LRP1B: variants seen among roughly 807,000 people sequenced by gnomAD.
The protein encoded by LRP1B is LDL receptor related protein 1B, also known as low-density lipoprotein receptor-related protein 1B.
In LRP1B, 217 loss-of-function variants were observed where a neutral mutation model predicts 556.6. The observed-to-expected ratio is 0.39, with a 90% confidence interval of 0.35 to 0.44. The LOEUF is 0.44. LRP1B is among the 20% of genes least tolerant of loss of function. The pLI, the probability that LRP1B is intolerant of heterozygous loss-of-function variation, is 1.00. For synonymous variants in LRP1B, 2,047 were observed against 1,865.8 expected (o/e 1.10, Z -2.50); for missense variants, 5,053 against 5,620.8 (o/e 0.90, Z 3.23).
intron 6 of LRP1B, among the ~76,000 whole-genome samples, chr2:141,195,310 T>C (rs973841285): frequency 1.3e-5 from 2 of 152,078 alleles, no homozygotes; most frequent in African/African-American, 4.8e-5. Flanking sequence ...GCCAGTCTTT[T>C]AGCTCCAGTT....
chr2:140,444,309 G>A (rs760905788), intron 65 of LRP1B, 21 bp downstream of exon 65: 1 of 1,613,348 alleles, frequency 6.2e-7, no homozygotes, highest in East Asian at 2.2e-5. Flanking sequence ...AGACAAGACA[G>A]AGTATTTTGA....
At chr2:141,749,914 G>A (rs1384637761) in intron 2 of LRP1B, among the ~76,000 whole-genome samples, 1 of 152,112 alleles carries the variant, frequency 6.6e-6, no homozygotes, top group Non-Finnish European at 1.5e-5. Flanking sequence ...AAGTAGTTAG[G>A]TGATACTTTT....
intron 2 of LRP1B, among the ~76,000 whole-genome samples, chr2:141,643,117 G>T (rs925883916): frequency 6.6e-6 from 1 of 152,096 alleles, no homozygotes; most frequent in African/African-American, 2.4e-5. Context: ...TTATTAATTC[G>T]CTAAGCAAAA....
rs1243065942 is a variant in LRP1B at position 140,469,765 on chromosome 2, T to G, written c.9625+5373A>C. On this transcript the variant is annotated intron_variant, in intron 60 of 90. Coordinates refer to ENST00000389484, the MANE Select transcript of LRP1B (RefSeq NM_018557.3). ...TAGGTTTCAATCTTCAATTGTCTGT[T>G]CAAAAGCAAGGGTGCTGTGTGAAAA... is the stretch of plus-strand genomic sequence containing the variant. Among the ~76,000 whole-genome samples, 3 of 152,200 alleles carry G rather than the reference T, an allele frequency of 2.0e-5. No homozygotes were observed. In the East Asian group the frequency reaches 5.8e-4, roughly 29 times the overall value.
chr2:140,469,047 G>A (rs908498674), intron 60 of LRP1B, among the ~76,000 whole-genome samples: 1 of 152,176 alleles, frequency 6.6e-6, no homozygotes, highest in African/African-American at 2.4e-5. Flanking sequence ...AACAAGTTAA[G>A]AATTTGGGGG....
chr2:141,502,325 T>C, intron 2 of LRP1B, among the ~76,000 whole-genome samples: 1 of 152,220 alleles, frequency 6.6e-6, no homozygotes, highest in East Asian at 1.9e-4. Flanking sequence ...GATAATCTAA[T>C]ATCCTGGTCA....
At chr2:140,254,485 T>A (rs1236827047) in intron 86 of LRP1B, among the ~76,000 whole-genome samples, 2 of 152,176 alleles carry the variant, frequency 1.3e-5, no homozygotes, top group African/African-American at 4.8e-5. Flanking sequence ...ATCTGGTACT[T>A]CAGCATAGTC....
In LRP1B at chr2:140,270,264, C is replaced by G; in HGVS notation, c.13225G>C (p.Glu4409Gln). The G allele has an allele frequency of 6.2e-7, 1 of 1,611,800 alleles. No homozygotes were observed. Among genetic ancestry groups the G allele is most frequent in the Admixed American group, 1.7e-5 (1 of 59,824 alleles). ...YNGGTCQLDP[E>Q]TNVPVCLCST... ...CACAGACACACAGGTACATTTGTCT[C>G]GGGGTCCAGCTGGCATGTGCCACCA... is the stretch of plus-strand genomic sequence containing the variant. Residue 4409 changes from glutamate to glutamine, a missense_variant, in exon 86 of 91, where the codon GAG becomes CAG. Physicochemically the swap from Glu to Gln is conservative, Grantham distance 29. Around this residue, in one of 5 missense-constraint regions of LRP1B, gnomAD observed 551 missense variants for 592.0 expected, o/e 0.93. Transcript: ENST00000389484.
chr2:141,070,457 G>C (rs1699606908), intron 7 of LRP1B, among the ~76,000 whole-genome samples: 2 of 151,712 alleles, frequency 1.3e-5, no homozygotes, highest in South Asian at 4.2e-4. Flanking sequence ...AGAAAAGCAA[G>C]AGCAAACACA....
intron 66 of LRP1B, among the ~76,000 whole-genome samples, chr2:140,393,190 A>G (rs1193036649): frequency 6.6e-6 from 1 of 151,542 alleles, no homozygotes; most frequent in African/African-American, 2.4e-5. Flanking sequence ...AGATAAATAC[A>G]TTACATTATT....
chr2:141,718,047 A>G (rs1360421085), intron 2 of LRP1B, among the ~76,000 whole-genome samples: 3 of 152,308 alleles, frequency 2.0e-5, no homozygotes, highest in Non-Finnish European at 4.4e-5. Context: ...GTTGCAAAGG[A>G]GTTGGTCTGT....
intron 2 of LRP1B, among the ~76,000 whole-genome samples, chr2:141,640,866 AT>A (rs1158634487): frequency 6.6e-6 from 1 of 152,030 alleles, no homozygotes; most frequent in South Asian, 2.1e-4. Context: ...TTCCCCAATA[AT>A]TTTTCACATA....
chr2:141,738,575 T>C (rs1220749256), intron 2 of LRP1B, among the ~76,000 whole-genome samples: 1 of 152,176 alleles, frequency 6.6e-6, no homozygotes, highest in African/African-American at 2.4e-5. Context: ...ATCTTATCTT[T>C]GTTTAGAATT....
At chr2:141,713,900 G>A (rs1692469203) in intron 2 of LRP1B, among the ~76,000 whole-genome samples, 1 of 151,930 alleles carries the variant, frequency 6.6e-6, no homozygotes, top group Non-Finnish European at 1.5e-5. Flanking sequence ...TCCCATCTTA[G>A]CATCATAAGC....
chr2:140,356,507 A>G (rs373876852), intron 74 of LRP1B, 31 bp from the exon 75 acceptor site: 27 of 1,494,436 alleles, frequency 1.8e-5, no homozygotes, highest in African/African-American at 7.1e-5. Flanking sequence ...CAAAACTAAT[A>G]TAATTCTAAT....
At chr2:140,495,190 T>C (rs914698193) in intron 56 of LRP1B, among the ~76,000 whole-genome samples, 1 of 152,158 alleles carries the variant, frequency 6.6e-6, no homozygotes, top group African/African-American at 2.4e-5. Context: ...TATATGTATG[T>C]ATGTATGGTG....
At chr2:141,666,946 CT>C (rs946023151) in intron 2 of LRP1B, among the ~76,000 whole-genome samples, 10 of 152,144 alleles carry the variant, frequency 6.6e-5, no homozygotes, top group Non-Finnish European at 1.5e-5. Flanking sequence ...AAGTTTTGCA[CT>C]GCTGCCCTCA....
intron 49 of LRP1B, among the ~76,000 whole-genome samples, chr2:140,520,473 G>C (rs2380879): frequency 0.73 from 111,214 of 151,778 alleles, 41,271 homozygotes; most frequent in Middle Eastern, 0.89. Context: ...GGGGATGAGG[G>C]AGGAATAGCA....
At chr2:141,578,313 C>T (rs766604469) in intron 2 of LRP1B, among the ~76,000 whole-genome samples, 1 of 151,300 alleles carries the variant, frequency 6.6e-6, no homozygotes, top group Non-Finnish European at 1.5e-5. Flanking sequence ...AGGAAAATCA[C>T]TTGAACCCAG....
Sources: gnomAD v4.1 joint callset for allele counts (sites outside exome capture counted in the v4.1 genomes callset) on GRCh38, gnomAD v4.1.1 for gene constraint, gnomAD v4.1.1 regional missense constraint, MANE v1.5 for transcripts, NCBI Gene and HGNC (gene_info 2026-07-23, HGNC 2026-07-21) for gene names.